Variants in SARNP observed in about 807,000 individuals in gnomAD.
SARNP encodes SAP domain containing ribonucleoprotein.
A neutral mutation model predicts 38.1 loss-of-function variants in SARNP; 5 were observed. The observed-to-expected ratio is 0.13, with a 90% CI of 0.07 to 0.28. The LOEUF (loss-of-function observed/expected upper bound fraction) is 0.28. Ranked by LOEUF, SARNP falls within the 10% of genes least tolerant of loss-of-function variation. SARNP has a pLI of 1.00. For missense variants in SARNP, 180 were observed against 243.9 expected (o/e 0.74, Z 1.75); for synonymous variants, 84 against 80.6 (o/e 1.04, Z -0.23).
In SARNP at chr12:55,795,784, A is replaced by G. The variant is rs183876355; in HGVS notation, c.303+241T>C. Among the ~76,000 whole-genome samples, 3 of 152,350 alleles carry G rather than the reference A, an allele frequency of 2.0e-5. No homozygotes were observed. The East Asian group carries it at 5.8e-4, about 29-fold the overall frequency. On this transcript the variant is annotated intron_variant, in intron 5 of 10. Transcript: ENST00000336133. Reference sequence around the variant, plus strand: ...AATCCTAGGTTTGAAAACATCTCAAAGAGAGTCACTGTTAAGACCATAATA... The same window carrying G: ...AATCCTAGGTTTGAAAACATCTCAAGGAGAGTCACTGTTAAGACCATAATA...
chr12:55,817,582 G>A (rs1880534636), intron 1 of SARNP, 84 bp downstream of exon 1: 2 of 1,308,968 alleles, frequency 1.5e-6, no homozygotes, highest in African/African-American at 1.5e-5. Context: ...GCTGCACGGA[G>A]AAGACGTAGG....
intron 9 of SARNP, among the ~76,000 whole-genome samples, chr12:55,779,653 C>T (rs568245315): frequency 4.6e-5 from 7 of 152,240 alleles, no homozygotes; most frequent in African/African-American, 1.7e-4. Flanking sequence ...CATACTTAAA[C>T]TAAGAAATCC....
At chr12:55,808,138 C>A (rs1202769124) in intron 1 of SARNP, among the ~76,000 whole-genome samples, 1 of 152,104 alleles carries the variant, frequency 6.6e-6, no homozygotes, top group African/African-American at 2.4e-5. Context: ...ATAGTGAGTT[C>A]TTCTCATATA....
At chr12:55,795,970 G>T (rs1879807886) in intron 5 of SARNP, 55 bp downstream of exon 5, 5 of 1,213,256 alleles carry the variant, frequency 4.1e-6, no homozygotes, top group Middle Eastern at 1.9e-4. Context: ...TATAATAAAG[G>T]GTAAGAGGGA....
chr12:55,792,325 A>C (rs1473732618), intron 7 of SARNP, among the ~76,000 whole-genome samples: 1 of 152,078 alleles, frequency 6.6e-6, no homozygotes, highest in Admixed American at 6.6e-5. Flanking sequence ...ACTGGATTGA[A>C]TTGGAAGACT....
intron 9 of SARNP, among the ~76,000 whole-genome samples, chr12:55,777,626 G>A (rs1396596313): frequency 1.3e-5 from 2 of 151,936 alleles, no homozygotes; most frequent in African/African-American, 2.4e-5. Context: ...CACCTGCCTC[G>A]GCCTCCCTAA....
At chr12:55,764,531 CAAA>C (rs1046165926) in intron 9 of SARNP, among the ~76,000 whole-genome samples, 3 of 65,216 alleles carry the variant, frequency 4.6e-5, no homozygotes, top group Admixed American at 1.8e-4. Flanking sequence ...AACTCCATTT[CAAA>C]AAAAAAAAAA....
At chr12:55,806,567 T>C (rs1393756609) in intron 1 of SARNP, among the ~76,000 whole-genome samples, 1 of 149,298 alleles carries the variant, frequency 6.7e-6, no homozygotes, top group Non-Finnish European at 1.5e-5. Flanking sequence ...GAACCATAAA[T>C]TAAAGGAAAA....
At chr12:55,806,171 T>C (rs536278458) in intron 1 of SARNP, among the ~76,000 whole-genome samples, 1 of 152,314 alleles carries the variant, frequency 6.6e-6, no homozygotes, top group East Asian at 1.9e-4. Flanking sequence ...TGTAACCTTA[T>C]GTGAATAACT....
At chr12:55,812,118 C>T (rs1402840152) in intron 1 of SARNP, among the ~76,000 whole-genome samples, 1 of 152,196 alleles carries the variant, frequency 6.6e-6, no homozygotes, top group Non-Finnish European at 1.5e-5. Context: ...TTTGCCCTCC[C>T]CTACCATTAC....
chr12:55,806,042 A>G (rs1000854123), intron 1 of SARNP, among the ~76,000 whole-genome samples: 5 of 151,684 alleles, frequency 3.3e-5, no homozygotes, highest in Non-Finnish European at 5.9e-5. Flanking sequence ...TGTCTCAAAA[A>G]AAAAAAAAAT....
At chr12:55,753,561 G>A (rs889659533), downstream of SARNP, 3 of 151,960 alleles carry the variant, frequency 2.0e-5, no homozygotes, top group South Asian at 4.1e-4. Flanking sequence ...TGCAAGGTCC[G>A]GAGTTCGAGA....
chr12:55,800,476 G>GT, intron 4 of SARNP, 86 bp downstream of exon 4: 1 of 977,792 alleles, frequency 1.0e-6, no homozygotes, highest in Non-Finnish European at 1.5e-6. Flanking sequence ...ATGGGAACAT[G>GT]TAAGAGGTAA....
intron 7 of SARNP, among the ~76,000 whole-genome samples, chr12:55,790,982 G>T (rs995225826): frequency 5.9e-5 from 9 of 152,132 alleles, no homozygotes; most frequent in African/African-American, 2.2e-4. Context: ...ATTAAGTATG[G>T]TATATCCATA....
At chr12:55,755,787 A>G (rs1446040329), downstream of SARNP, 1 of 126,554 alleles carries the variant, frequency 7.9e-6, no homozygotes, top group East Asian at 2.0e-4. Context: ...AAAGAGGTTA[A>G]TAAGAAAAAA....
Position 55,796,085 on chromosome 12 carries a change from G to GA in SARNP, c.252-10dup, listed in dbSNP as rs781211179. 1.6e-5 allele frequency: 26 copies of GA among 1,599,768 alleles called. No homozygotes were observed. The highest frequency in any genetic ancestry group is 2.1e-5 in the Non-Finnish European group (25 of 1,167,890). Reference sequence around the variant, plus strand: ...CTTTCTTCTCTGCTGCCCTAGAAAAGAAAGAGATTTTTTAAAATGAGAAAA... The same window carrying GA: ...CTTTCTTCTCTGCTGCCCTAGAAAAGAAAAGAGATTTTTTAAAATGAGAAAA... On this transcript the variant is annotated splice_polypyrimidine_tract_variant and intron_variant, in intron 4 of 10. Coordinates refer to ENST00000336133, the MANE Select transcript of SARNP (RefSeq NM_033082.4).
intron 1 of SARNP, among the ~76,000 whole-genome samples, chr12:55,804,814 T>C (rs1880089367): frequency 6.6e-6 from 1 of 152,172 alleles, no homozygotes; most frequent in African/African-American, 2.4e-5. Context: ...AAAGATGACC[T>C]TTTTTGTTTT....
At chr12:55,796,103 T>G in intron 4 of SARNP, 27 bp from the exon 5 acceptor site, 1 of 1,494,240 alleles carries the variant, frequency 6.7e-7, no homozygotes, top group Admixed American at 1.7e-5. Flanking sequence ...TTTTTTAAAA[T>G]GAGAAAACTG....
intron 9 of SARNP, among the ~76,000 whole-genome samples, chr12:55,781,725 TTTG>T (rs1879347817): frequency 6.6e-6 from 1 of 152,136 alleles, no homozygotes; most frequent in Non-Finnish European, 1.5e-5. Context: ...TATATTCTTT[TTTG>T]TTGTTGTTCA....
Sources: allele counts gnomAD v4.1 joint callset (sites outside exome capture counted in the v4.1 genomes callset), GRCh38; gene constraint gnomAD v4.1.1; transcripts MANE v1.5; gene names NCBI Gene and HGNC (gene_info 2026-07-23, HGNC 2026-07-21).